OR3A2: variants seen among roughly 807,000 people sequenced by gnomAD.
OR3A2 encodes olfactory receptor 3A2.
For synonymous variants in OR3A2, 126 were observed against 159.3 expected (o/e 0.79, Z 1.57); for missense variants, 318 against 392.8 (o/e 0.81, Z 1.61).
chr17:3,283,532 A>G (rs1004022507), intron 1 of OR3A2, among the ~76,000 whole-genome samples: 2 of 152,292 alleles, frequency 1.3e-5, no homozygotes, highest in African/African-American at 4.8e-5. Flanking sequence ...GCCGGTATCC[A>G]ATATTTCTTA....
intron 3 of OR3A2, among the ~76,000 whole-genome samples, chr17:3,330,176 A>C (rs2049217734): frequency 6.6e-6 from 1 of 150,936 alleles, no homozygotes; most frequent in African/African-American, 2.5e-5. Context: ...TGCTGAAAAA[A>C]ATGTATATTC....
At chr17:3,330,463 G>A (rs962429053) in intron 3 of OR3A2, among the ~76,000 whole-genome samples, 5 of 151,992 alleles carry the variant, frequency 3.3e-5, no homozygotes, top group Admixed American at 3.3e-4. Context: ...TTACCATTAT[G>A]TAATGGCCTT....
At chr17:3,373,659 C>A (rs1291310225) in intron 2 of OR3A2, among the ~76,000 whole-genome samples, 1 of 152,024 alleles carries the variant, frequency 6.6e-6, no homozygotes, top group African/African-American at 2.4e-5. Context: ...TTTTTTCCAC[C>A]CCTTTACCTT....
intron 3 of OR3A2, among the ~76,000 whole-genome samples, chr17:3,326,557 CTTT>C (rs144904025): frequency 2.0e-5 from 3 of 149,242 alleles, no homozygotes; most frequent in Non-Finnish European, 4.5e-5. Context: ...TTTTTTTCTT[CTTT>C]TTTTTATTAT....
At chr17:3,319,899 G>A (rs1183509777) in intron 3 of OR3A2, among the ~76,000 whole-genome samples, 2 of 152,192 alleles carry the variant, frequency 1.3e-5, no homozygotes, top group East Asian at 3.8e-4. Context: ...ACCCAGTCAT[G>A]GGATGGCTGG....
intron 2 of OR3A2, among the ~76,000 whole-genome samples, chr17:3,370,833 C>T (rs1305591407): frequency 7.3e-5 from 11 of 151,170 alleles, no homozygotes; most frequent in African/African-American, 1.7e-4. Context: ...TGACTCTTAA[C>T]GAGCATGCTG....
At chr17:3,335,277 C>T (rs1281794005) in intron 3 of OR3A2, among the ~76,000 whole-genome samples, 1 of 152,098 alleles carries the variant, frequency 6.6e-6, no homozygotes, top group Non-Finnish European at 1.5e-5. Flanking sequence ...ACTTGGTTAA[C>T]TTTTCCATAA....
intron 2 of OR3A2, among the ~76,000 whole-genome samples, chr17:3,352,021 C>T (rs182836458): frequency 9.2e-5 from 14 of 152,134 alleles, no homozygotes; most frequent in Non-Finnish European, 1.8e-4. Flanking sequence ...ACACCTTATA[C>T]AAAAATCAAT....
At chr17:3,352,328 C>G (rs2150654477) in intron 2 of OR3A2, among the ~76,000 whole-genome samples, 1 of 152,010 alleles carries the variant, frequency 6.6e-6, no homozygotes, top group Admixed American at 6.6e-5. Context: ...CATTTTTGCA[C>G]AGACCAATGT....
At chr17:3,375,224 T>C (rs1198461782) in intron 2 of OR3A2, among the ~76,000 whole-genome samples, 2 of 82,442 alleles carry the variant, frequency 2.4e-5, no homozygotes, top group Non-Finnish European at 4.2e-5. Context: ...CTTCCTTTTT[T>C]TTTTTCTTTT....
chr17:3,314,718 A>G (rs1046377429), intron 3 of OR3A2, among the ~76,000 whole-genome samples: 7 of 152,210 alleles, frequency 4.6e-5, no homozygotes, highest in Non-Finnish European at 1.0e-4. Context: ...TTTACTTTAG[A>G]TAAGGAGATG....
chr17:3,363,228 T>C lies in OR3A2; in HGVS notation c.-179+20576A>G, dbSNP rs547701108. On this transcript the variant is annotated intron_variant, in intron 2 of 4. Transcript: ENST00000573491. ...TGGTCAGGCTGCAAATTTTTCAAAC[T>C]TTTATGCTCTATTTCTTTCTTCATG... Among the ~76,000 whole-genome samples the C allele has an allele frequency of 2.0e-5, 3 of 151,774 alleles. No individual in the cohort carries two copies. The East Asian group carries it at 5.8e-4, about 29-fold the overall frequency.
chr17:3,290,060 T>C (rs2048851414), intron 3 of OR3A2, among the ~76,000 whole-genome samples: 1 of 152,074 alleles, frequency 6.6e-6, no homozygotes, highest in Admixed American at 6.5e-5. Flanking sequence ...CCTGACATCC[T>C]AGGAGCACCT....
intron 3 of OR3A2, among the ~76,000 whole-genome samples, chr17:3,309,742 T>C (rs940108633): frequency 6.6e-6 from 1 of 152,220 alleles, no homozygotes; most frequent in Non-Finnish European, 1.5e-5. Flanking sequence ...TCATTTCGCT[T>C]TTTTTCTGAA....
intron 3 of OR3A2, chr17:3,310,623 T>C (rs142336308): frequency 1.7e-4 from 90 of 539,762 alleles, no homozygotes; most frequent in Non-Finnish European, 2.4e-4. Context: ...CTCCGAGCTC[T>C]TCTTCTTCCA....
chr17:3,375,138 C>CTTTTTTTTTTTTTT (rs2049668905), intron 2 of OR3A2, among the ~76,000 whole-genome samples: 1 of 36,296 alleles, frequency 2.8e-5, no homozygotes, highest in Non-Finnish European at 6.0e-5. Context: ...GAGCCTTCTT[C>CTTTTTTTTTTTTTT]CTTTTTTTTT....
intron 2 of OR3A2, among the ~76,000 whole-genome samples, chr17:3,337,939 G>T (rs999940936): frequency 5.3e-5 from 8 of 152,154 alleles, no homozygotes; most frequent in Non-Finnish European, 1.0e-4. Context: ...AGCGCCTGTT[G>T]TTTCCTAACT....
At chr17:3,301,567 A>T (rs1393537775) in intron 3 of OR3A2, among the ~76,000 whole-genome samples, 1 of 152,140 alleles carries the variant, frequency 6.6e-6, no homozygotes, top group Non-Finnish European at 1.5e-5. Context: ...AATTTCTTTA[A>T]GTTCTTTGTA....
intron 2 of OR3A2, among the ~76,000 whole-genome samples, chr17:3,348,738 C>G (rs1312714473): frequency 1.3e-5 from 2 of 151,982 alleles, no homozygotes; most frequent in Non-Finnish European, 2.9e-5. Flanking sequence ...TCAGATTCAC[C>G]AAAGTTGAAA....
Sources: gnomAD v4.1 joint callset for allele counts (sites outside exome capture counted in the v4.1 genomes callset) on GRCh38, gnomAD v4.1.1 for gene constraint, MANE v1.5 for transcripts, NCBI Gene and HGNC (gene_info 2026-07-23, HGNC 2026-07-21) for gene names.